The following SHOC2 variants were observed in gnomAD, a reference collection of about 807,000 sequenced individuals.
SHOC2 encodes the protein leucine-rich repeat protein SHOC-2.
Under a neutral mutation model 50.2 loss-of-function variants are expected in SHOC2, and 4 were observed. That is an observed-to-expected ratio of 0.08 (90% CI 0.04 to 0.18). The LOEUF is 0.18. Ranked by LOEUF, SHOC2 falls within the 10% of genes least tolerant of loss-of-function variation. The pLI, the probability that SHOC2 is intolerant of heterozygous loss-of-function variation, is 1.00. For missense variants in SHOC2, 388 were observed against 669.6 expected (o/e 0.58, Z 4.64); for synonymous variants, 218 against 244.5 (o/e 0.89, Z 1.01).
intron 5 of SHOC2, among the ~76,000 whole-genome samples, chr10:111,005,654 C>T (rs996263605): frequency 3.3e-5 from 5 of 152,106 alleles, no homozygotes; most frequent in Non-Finnish European, 5.9e-5. Context: ...CGTTAGTTTC[C>T]TTTTGCTTAC....
intron 8 of SHOC2, among the ~76,000 whole-genome samples, chr10:111,011,061 A>T (rs1002318160): frequency 2.0e-5 from 3 of 152,180 alleles, no homozygotes; most frequent in Admixed American, 6.5e-5. Context: ...CTAAGAAAAA[A>T]TTTTTAAAGG....
chr10:110,940,770 A>C (rs980861377), intron 1 of SHOC2, among the ~76,000 whole-genome samples: 1 of 152,174 alleles, frequency 6.6e-6, no homozygotes, highest in Non-Finnish European at 1.5e-5. Context: ...CCATCCACTC[A>C]ACCTGGCCAC....
At chr10:110,951,861 T>G (rs906123182) in intron 1 of SHOC2, 2 of 152,288 alleles carry the variant, frequency 1.3e-5, no homozygotes, top group Non-Finnish European at 2.9e-5. Context: ...TTTCACCATG[T>G]TGGCCAAGCT....
intron 5 of SHOC2, among the ~76,000 whole-genome samples, chr10:111,005,394 G>C (rs1395420087): frequency 6.6e-6 from 1 of 152,054 alleles, no homozygotes; most frequent in African/African-American, 2.4e-5. Flanking sequence ...TTGTTAAGTA[G>C]TTTATCTTTA....
At chr10:110,922,161 A>G (rs1846665975) in intron 1 of SHOC2, among the ~76,000 whole-genome samples, 1 of 152,106 alleles carries the variant, frequency 6.6e-6, no homozygotes, top group East Asian at 1.9e-4. Flanking sequence ...TTACGCCTTT[A>G]AAATGTTACT....
rs543560600 is a variant in SHOC2, at chr10:111,003,622, A to G, written c.973-984A>G. Among the ~76,000 whole-genome samples, 3 of 152,300 alleles carry G rather than the reference A, an allele frequency of 2.0e-5. No individual in the cohort carries two copies. In the South Asian group the frequency reaches 6.2e-4, roughly 32 times the overall value. ...AAAGTCACAAGCTATTTAAAGATAG[A>G]GTCAGGATTCAAAACAGTTTATAGC... On this transcript the variant is annotated intron_variant, in intron 4 of 8. Transcript: ENST00000369452.
chr10:110,965,881 A>G (rs769704173), intron 2 of SHOC2, among the ~76,000 whole-genome samples: 1 of 152,158 alleles, frequency 6.6e-6, no homozygotes, highest in Non-Finnish European at 1.5e-5. Context: ...CAGTTTTGAA[A>G]AATTGATAAA....
At chr10:110,937,339 G>T (rs546201835) in intron 1 of SHOC2, 1 of 637,858 alleles carries the variant, frequency 1.6e-6, no homozygotes, top group Non-Finnish European at 2.8e-6. Flanking sequence ...AATGTTTCAA[G>T]CAAGGGACTG....
intron 1 of SHOC2, among the ~76,000 whole-genome samples, chr10:110,945,244 CA>C (rs1423200398): frequency 4.6e-5 from 7 of 152,274 alleles, no homozygotes; most frequent in African/African-American, 1.4e-4. Context: ...CACATACGGT[CA>C]GCATTGCAAA....
chr10:110,938,664 T>G (rs1290517125), intron 1 of SHOC2, among the ~76,000 whole-genome samples: 4 of 152,218 alleles, frequency 2.6e-5, no homozygotes, highest in Non-Finnish European at 4.4e-5. Flanking sequence ...TATAGAACAC[T>G]AATAATTTCT....
At chr10:110,937,108 G>A in intron 1 of SHOC2, 3 of 1,470,072 alleles carry the variant, frequency 2.0e-6, no homozygotes, top group East Asian at 2.3e-5. Context: ...TGCCAGAAAT[G>A]TTGATGCCTT....
At chr10:110,966,017 T>C (rs1422645916) in intron 2 of SHOC2, among the ~76,000 whole-genome samples, 1 of 152,090 alleles carries the variant, frequency 6.6e-6, no homozygotes, top group Non-Finnish European at 1.5e-5. Context: ...AAAATAAAGA[T>C]TATATTTTTG....
intron 3 of SHOC2, among the ~76,000 whole-genome samples, chr10:110,987,618 G>T (rs1311829147): frequency 6.6e-6 from 1 of 151,998 alleles, no homozygotes; most frequent in Non-Finnish European, 1.5e-5. Context: ...TAAAATAAGA[G>T]AATCAGATTT....
At chr10:110,947,497 A>G (rs1300694414) in intron 1 of SHOC2, among the ~76,000 whole-genome samples, 1 of 152,276 alleles carries the variant, frequency 6.6e-6, no homozygotes, top group African/African-American at 2.4e-5. Context: ...TCAAATGATC[A>G]GGGAAACGTG....
intron 3 of SHOC2, among the ~76,000 whole-genome samples, chr10:110,999,756 A>G (rs1173460236): frequency 2.7e-5 from 4 of 149,442 alleles, no homozygotes; most frequent in Admixed American, 6.6e-5. Flanking sequence ...AAAAAAAAAA[A>G]AAAGAAAGAA....
intron 4 of SHOC2, among the ~76,000 whole-genome samples, chr10:111,000,943 A>T (rs1159161335): frequency 1.3e-5 from 2 of 152,118 alleles, no homozygotes; most frequent in Admixed American, 1.3e-4. Flanking sequence ...ATGATAAGTG[A>T]TACAGAATGC....
At chr10:110,946,871 T>C (rs1306319142) in intron 1 of SHOC2, among the ~76,000 whole-genome samples, 2 of 152,184 alleles carry the variant, frequency 1.3e-5, no homozygotes, top group Non-Finnish European at 2.9e-5. Context: ...GACTTCATCA[T>C]ATTTAAAAGT....
chr10:111,003,573 C>G (rs910080573), intron 4 of SHOC2, among the ~76,000 whole-genome samples: 1 of 152,054 alleles, frequency 6.6e-6, no homozygotes, highest in Non-Finnish European at 1.5e-5. Context: ...AAATGATACA[C>G]TAGGTTCGGA....
chr10:110,932,511 G>A (rs1846914526), intron 1 of SHOC2, among the ~76,000 whole-genome samples: 1 of 152,138 alleles, frequency 6.6e-6, no homozygotes, highest in Non-Finnish European at 1.5e-5. Context: ...CAATGGCATT[G>A]AGAAATTTGG....
Sources: gnomAD v4.1 joint callset for allele counts (sites outside exome capture counted in the v4.1 genomes callset) on GRCh38, gnomAD v4.1.1 for gene constraint, MANE v1.5 for transcripts, NCBI Gene and HGNC (gene_info 2026-07-23, HGNC 2026-07-21) for gene names.